The following FDX1 variants were observed in gnomAD, a reference collection of about 807,000 sequenced individuals.
The protein encoded by FDX1 is adrenodoxin, mitochondrial.
A neutral mutation model predicts 14.9 loss-of-function variants in FDX1; 9 were observed. The ratio of observed to expected loss-of-function variants is 0.60; its 90% CI spans 0.36 to 1.05. The LOEUF is 1.05. Among genes scored for constraint, FDX1 ranks in the 50% least tolerant of loss-of-function variants. FDX1 has a pLI of 0.01. For synonymous variants in FDX1, 92 were observed against 99.4 expected (o/e 0.93, Z 0.44); for missense variants, 204 against 237.2 (o/e 0.86, Z 0.92).
chr11:110,455,280 G>A (rs992110808), intron 2 of FDX1, among the ~76,000 whole-genome samples: 3 of 151,856 alleles, frequency 2.0e-5, no homozygotes, highest in Admixed American at 6.5e-5. Flanking sequence ...GATTACAGGT[G>A]TGAGCCACCG....
chr11:110,447,288 A>AC (rs1946457254), intron 2 of FDX1, among the ~76,000 whole-genome samples: 1 of 76,894 alleles, frequency 1.3e-5, no homozygotes, highest in Admixed American at 1.6e-4. Context: ...AAAAAAAAAA[A>AC]AAAAAAAAAA....
chr11:110,439,770 G>T (rs144654477), intron 2 of FDX1, among the ~76,000 whole-genome samples: 11 of 152,216 alleles, frequency 7.2e-5, no homozygotes, highest in African/African-American at 2.4e-4. Context: ...TTCCAGGAGA[G>T]CATTTCTGAG....
intron 2 of FDX1, among the ~76,000 whole-genome samples, chr11:110,454,169 C>T (rs1042165319): frequency 5.9e-5 from 9 of 152,156 alleles, no homozygotes; most frequent in African/African-American, 1.4e-4. Flanking sequence ...GTCTCTTCAG[C>T]GCTGAGCTTA....
intron 2 of FDX1, 34 bp downstream of exon 2, chr11:110,435,992 G>A: frequency 6.4e-7 from 1 of 1,568,250 alleles, no homozygotes; most frequent in Non-Finnish European, 8.6e-7. Context: ...ATGCATAAGT[G>A]AAACTGTTAG....
intron 1 of FDX1, among the ~76,000 whole-genome samples, 189 bp downstream of exon 1, chr11:110,430,494 G>A (rs1176457401): frequency 6.6e-6 from 1 of 152,156 alleles, no homozygotes; most frequent in Non-Finnish European, 1.5e-5. Context: ...TGGCGTCGCT[G>A]CCTCCCTTCC....
intron 3 of FDX1, among the ~76,000 whole-genome samples, chr11:110,457,986 G>C (rs988945364): frequency 2.0e-4 from 31 of 152,194 alleles, no homozygotes; most frequent in African/African-American, 7.5e-4. Flanking sequence ...AAAGCAGAGT[G>C]GATTGTGGCT....
intron 2 of FDX1, among the ~76,000 whole-genome samples, chr11:110,451,103 T>C (rs997403039): frequency 5.3e-5 from 8 of 150,660 alleles, no homozygotes; most frequent in Non-Finnish European, 7.4e-5. Flanking sequence ...CTGTTTATTT[T>C]GTAGGGTTCT....
intron 2 of FDX1, among the ~76,000 whole-genome samples, chr11:110,448,164 A>G (rs1946463791): frequency 6.6e-6 from 1 of 152,172 alleles, no homozygotes; most frequent in Non-Finnish European, 1.5e-5. Context: ...TACTCTCAAG[A>G]CATTTTTTTC....
chr11:110,456,730 G>A (rs1248756186), intron 2 of FDX1, among the ~76,000 whole-genome samples, 188 bp from the exon 3 acceptor site: 1 of 151,932 alleles, frequency 6.6e-6, no homozygotes, highest in East Asian at 1.9e-4. Flanking sequence ...TGCTGGTCAC[G>A]AACTCTGACC....
At position 110,462,684 on chromosome 11, in the gene FDX1, A is replaced by T. The variant is rs1244214887; in HGVS notation, c.*216A>T. 3 of 343,610 alleles carry T rather than the reference A, an allele frequency of 8.7e-6. No homozygotes were observed. Among genetic ancestry groups the T allele is most frequent in the African/African-American group, 6.2e-5 (3 of 48,022 alleles). 21.3% of individuals were successfully genotyped at this position (343,610 alleles called of 1,614,324 possible). ...CAAAAATGTCAATCAAATATTAAAA[A>T]ATAGTTAATGTGATAGAAAAACCTT... On this transcript the variant is annotated 3_prime_UTR_variant, in exon 4 of 4. Transcript: ENST00000260270.
chr11:110,447,338 C>T (rs1019535821), intron 2 of FDX1, among the ~76,000 whole-genome samples: 7 of 147,948 alleles, frequency 4.7e-5, no homozygotes, highest in Non-Finnish European at 1.0e-4. Context: ...CCTGTAATCC[C>T]AGCTACTTGG....
chr11:110,431,488 A>G (rs1946330812), intron 1 of FDX1, among the ~76,000 whole-genome samples: 1 of 152,130 alleles, frequency 6.6e-6, no homozygotes, highest in Non-Finnish European at 1.5e-5. Context: ...CCCGTTATCT[A>G]GTGGGTGCTC....
intron 2 of FDX1, among the ~76,000 whole-genome samples, chr11:110,445,640 A>G (rs1323806702): frequency 3.9e-5 from 6 of 152,216 alleles, no homozygotes; most frequent in Non-Finnish European, 8.8e-5. Context: ...TCTGAAAGTC[A>G]TTGGTTGGAA....
chr11:110,450,148 T>G (rs1342967241), intron 2 of FDX1, among the ~76,000 whole-genome samples: 1 of 152,184 alleles, frequency 6.6e-6, no homozygotes, highest in Non-Finnish European at 1.5e-5. Flanking sequence ...TTGGGATGAT[T>G]CAAGTGCATT....
At chr11:110,440,523 A>G (rs142847759) in intron 2 of FDX1, among the ~76,000 whole-genome samples, 3 of 152,342 alleles carry the variant, frequency 2.0e-5, no homozygotes, top group South Asian at 2.1e-4. Context: ...TTTAGCTGGT[A>G]GAAATATTTT....
At chr11:110,446,175 T>G (rs779668704) in intron 2 of FDX1, among the ~76,000 whole-genome samples, 3 of 152,212 alleles carry the variant, frequency 2.0e-5, no homozygotes, top group Non-Finnish European at 2.9e-5. Flanking sequence ...AGCTTCTTTC[T>G]AGAATAAAGA....
At chr11:110,444,675 T>TAA (rs1946429793) in intron 2 of FDX1, among the ~76,000 whole-genome samples, 1 of 78,484 alleles carries the variant, frequency 1.3e-5, no homozygotes, top group Non-Finnish European at 2.3e-5. Context: ...CGTATATATA[T>TAA]ATATATATAC....
chr11:110,440,322 G>T (rs1946397569), intron 2 of FDX1, among the ~76,000 whole-genome samples: 2 of 151,870 alleles, frequency 1.3e-5, no homozygotes, highest in African/African-American at 4.8e-5. Context: ...TGGGTTTTTT[G>T]TTTTTCAAGT....
At position 110,463,327 on chromosome 11, in the gene FDX1, G is replaced by C. The variant is rs1005450382; in HGVS notation, c.*859G>C. The C allele has an allele frequency of 6.6e-6, 1 of 152,252 alleles. No homozygotes were observed. The highest frequency in any genetic ancestry group is 2.4e-5 in the African/African-American group (1 of 41,466). The allele number at this position is 152,252 out of a possible 1,614,324, so 9.4% of individuals were successfully genotyped here. A position where few individuals can be genotyped will look rare whatever the true frequency, so the allele number is the denominator to read the frequency against. ...CAGGCTGACACGTTGCACAGCCCCA[G>C]GTGGCGCCATTCTCTCACGCAAGGA... On this transcript the variant is annotated 3_prime_UTR_variant, in exon 4 of 4. Transcript: ENST00000260270.
Sources: allele counts gnomAD v4.1 joint callset (sites outside exome capture counted in the v4.1 genomes callset), GRCh38; gene constraint gnomAD v4.1.1; transcripts MANE v1.5; gene names NCBI Gene and HGNC (gene_info 2026-07-23, HGNC 2026-07-21).